Variants in LAMB3 observed in about 807,000 individuals in gnomAD.
LAMB3 encodes the protein laminin subunit beta 3, also known as laminin subunit beta-3.
LAMB3 carries 104 observed loss-of-function variants against 140.3 expected under a neutral mutation model. The observed-to-expected ratio is 0.74, with a 90% confidence interval of 0.63 to 0.87. The LOEUF is 0.87. Among genes scored for constraint, LAMB3 ranks in the 40% least tolerant of loss-of-function variants. LAMB3 has a pLI of 0.00. For synonymous variants in LAMB3, 592 were observed against 602.9 expected (o/e 0.98, Z 0.26); for missense variants, 1,531 against 1,575.2 (o/e 0.97, Z 0.47).
At chr1:209,638,935 G>A (rs1398505534) in intron 3 of LAMB3, among the ~76,000 whole-genome samples, 1 of 148,578 alleles carries the variant, frequency 6.7e-6, no homozygotes, top group Admixed American at 6.8e-5. Flanking sequence ...TTGAGTATAT[G>A]ATATTGCCTT....
In LAMB3 at chr1:209,625,859, C is replaced by A. The variant is rs1423811229; in HGVS notation, c.1765G>T (p.Asp589Tyr). 1 of 1,614,004 alleles carries A rather than the reference C, an allele frequency of 6.2e-7. No individual in the cohort carries two copies. The highest frequency in any genetic ancestry group is 8.5e-7 in the Non-Finnish European group (1 of 1,180,012). Residue 589 changes from aspartate (D) to tyrosine (Y), a missense_variant, in exon 14 of 23, where the codon GAT becomes TAT. Asp to Tyr is a radical substitution (Grantham distance 160). Transcript: ENST00000356082. The stretch of plus-strand genomic sequence containing the variant: ...AGGGCCTGCTCCCGGAGGTCCGCAT[C>A]ATAGGTCTGGAAGCAAGGGTGGCAG... ...VACHPCFQTY[D>Y]ADLREQALRF... is the part of the protein sequence containing the mutation.
intron 3 of LAMB3, among the ~76,000 whole-genome samples, chr1:209,640,239 C>T (rs375715704): frequency 3.9e-5 from 6 of 152,202 alleles, no homozygotes; most frequent in African/African-American, 1.4e-4. Flanking sequence ...ACAGCTGGCA[C>T]ATAAGCCCTT....
Position 209,630,736 on chromosome 1 carries a change from C to A in LAMB3, c.823-1G>T, listed in dbSNP as rs778372285. 1 of 1,613,866 alleles carries A rather than the reference C, an allele frequency of 6.2e-7. No homozygotes were observed. Among genetic ancestry groups the A allele is most frequent in the Non-Finnish European group, 8.5e-7 (1 of 1,179,984 alleles). On this transcript the variant is annotated splice_acceptor_variant, in intron 8 of 22. Coordinates refer to ENST00000356082, the MANE Select transcript of LAMB3 (RefSeq NM_000228.3). LOFTEE classifies it high-confidence loss of function. The stretch of plus-strand genomic sequence containing the variant: ...GCTGGCAGACACAGACATCGTGGAC[C>A]TGGGAGGGGGACCGTCAGCCATCAG...
chr1:209,633,082 G>T lies in LAMB3; in HGVS notation c.616C>A (p.Gln206Lys), dbSNP rs775405524. ...LVSGIPATQS[Q>K]KIQEVGEITN... ...TAACCACACTGACCTTGAATTTTTT[G>T]ACTTTGAGTTGCTGGAATCCCAGAC... Residue 206 changes from glutamine to lysine, a missense_variant, in exon 7 of 23, where the codon CAA (glutamine) becomes AAA (lysine). By Grantham distance (53) the Gln-to-Lys change is moderately conservative. Transcript: ENST00000356082. 9.3e-6 allele frequency: 15 copies of T among 1,610,804 alleles called. No homozygotes were observed. Among genetic ancestry groups the T allele is most frequent in the African/African-American group, 6.7e-5 (5 of 74,832 alleles).
Position 209,623,814 on chromosome 1 carries a change from G to T in LAMB3, c.2137+26C>A, listed in dbSNP as rs1168658651. 6.2e-7 allele frequency: 1 copy of T among 1,614,006 alleles called. No individual in the cohort carries two copies. Among genetic ancestry groups the T allele is most frequent in the East Asian group, 2.2e-5 (1 of 44,894 alleles). Reference sequence around the variant, plus strand: ...CCACCACGGCAGTGCCCATGCCCGGGGTTATCCGGGTGCCCCTCTCCTCAC... The same window carrying T: ...CCACCACGGCAGTGCCCATGCCCGGTGTTATCCGGGTGCCCCTCTCCTCAC... On this transcript the variant is annotated intron_variant, in intron 15 of 22. Transcript: ENST00000356082. The surrounding 1 kb of genome is among the most constrained non-coding windows in gnomAD (Gnocchi z 4.2).
At position 209,621,542 on chromosome 1, in the gene LAMB3, C is replaced by G. The variant is rs534541690; in HGVS notation, c.2701+994G>C. Among the ~76,000 whole-genome samples the G allele has an allele frequency of 3.9e-5, 6 of 152,236 alleles. No homozygotes were observed. In the South Asian group the frequency reaches 1.2e-3, roughly 32 times the overall value. ...CTGGGCTCCCAGCCAAGCAAATAAC[C>G]TGGCAGGAACCAGAAATCTAACAAT... On this transcript the variant is annotated intron_variant, in intron 18 of 22. Transcript: ENST00000356082.
chr1:209,627,083 G>A (rs1388900836), intron 12 of LAMB3, 105 bp from the exon 13 acceptor site: 3 of 873,586 alleles, frequency 3.4e-6, no homozygotes, highest in Non-Finnish European at 3.8e-6. Context: ...AGAATCCAGG[G>A]CTCATGGCCA....
At chr1:209,631,271 A>T (rs1027838439) in intron 8 of LAMB3, among the ~76,000 whole-genome samples, 2 of 152,228 alleles carry the variant, frequency 1.3e-5, no homozygotes, top group Admixed American at 6.5e-5. Flanking sequence ...GACCTGTATC[A>T]TGTTAGCTGC....
At chr1:209,622,203 T>C (rs1348165579) in intron 18 of LAMB3, among the ~76,000 whole-genome samples, 1 of 152,212 alleles carries the variant, frequency 6.6e-6, no homozygotes, top group Non-Finnish European at 1.5e-5. Context: ...CCAGGCTCTG[T>C]AGCCACGATG....
rs1380822100 is a variant in LAMB3 at position 209,618,591 on chromosome 1, C to T, written c.2770G>A (p.Asp924Asn). 7 of 1,614,166 alleles carry T rather than the reference C, an allele frequency of 4.3e-6. No homozygotes were observed. The highest frequency in any genetic ancestry group is 3.4e-6 in the Non-Finnish European group (4 of 1,180,058). Residue 924 changes from aspartate (D) to asparagine (N), a missense_variant, in exon 19 of 23, where the codon GAC becomes AAC. Asp to Asn is a conservative substitution (Grantham distance 23). Coordinates refer to ENST00000356082, the MANE Select transcript of LAMB3 (RefSeq NM_000228.3). ...ATCTTCTGCAGAACAGTAGCTGAGT[C>T]TGTGGGCAGCCACAGGGCCAGCACG... ...EAVLALWLPT[D>N]SATVLQKMNE...
intron 1 of LAMB3, chr1:209,651,383 C>A: frequency 4.4e-6 from 1 of 225,460 alleles, no homozygotes; most frequent in Non-Finnish European, 9.1e-6. Flanking sequence ...AGAGGGCTGG[C>A]TTTTCTCAGG....
In LAMB3 at chr1:209,632,963, C is replaced by T. The variant is rs1355984125; in HGVS notation, c.628+107G>A. 16 of 1,086,330 alleles carry T rather than the reference C, an allele frequency of 1.5e-5. No homozygotes were observed. The East Asian group carries it at 3.3e-4, about 22-fold the overall frequency. 67.3% of individuals were successfully genotyped at this position (1,086,330 alleles called of 1,614,324 possible). A position where few individuals can be genotyped will look rare whatever the true frequency, so the allele number is the denominator to read the frequency against. ...GCAGGGCAAGTATCAAATCCCCAACCACGTTGACAAAAACATGAAAGACCA... is the reference window on the plus strand; with the variant it reads ...GCAGGGCAAGTATCAAATCCCCAACTACGTTGACAAAAACATGAAAGACCA... On this transcript the variant is annotated intron_variant, in intron 7 of 22. Transcript: ENST00000356082.
At position 209,626,017 on chromosome 1, in the gene LAMB3, C is replaced by G; in HGVS notation, c.1607G>C (p.Cys536Ser). 6 of 1,612,872 alleles carry G rather than the reference C, an allele frequency of 3.7e-6. No individual in the cohort carries two copies. Among genetic ancestry groups the G allele is most frequent in the Non-Finnish European group, 5.1e-6 (6 of 1,179,316 alleles). The change falls in exon 14 of 23, where the codon TGT becomes TCT. Residue 536 changes from cysteine (C) to serine (S), a missense_variant. Transcript: ENST00000356082. ...DVATGCRACDCDFRGTEGPGC... is the reference protein window; with the variant it reads ...DVATGCRACDSDFRGTEGPGC... The stretch of plus-strand genomic sequence containing the variant: ...CGGGCCCTCTGTTCCCCGGAAATCA[C>G]AGTCACAGGCTAGGGCCAAGAAAAA...
rs552611500 is a variant in LAMB3 at position 209,623,697 on chromosome 1, G to C, written c.2166C>G (p.Tyr722Ter). The change falls in exon 16 of 23, where the codon TAC (tyrosine) becomes TAG (stop). Residue 722 changes from tyrosine to a stop codon, truncating the protein, a stop_gained. Coordinates refer to ENST00000356082, the MANE Select transcript of LAMB3 (RefSeq NM_000228.3). LOFTEE classifies it high-confidence loss of function. This position sits in a 1 kb window ranked among gnomAD's most constrained non-coding sequence, Gnocchi z 4.2. ...SGAFRMLSTA[Y>*]EQSAQAAQQV... ...GCTGAGCAGCCTGGGCTGACTGCTCGTAGGCTGTGCTCAGCATCCGGAAGG... is the reference window on the plus strand; with the variant it reads ...GCTGAGCAGCCTGGGCTGACTGCTCCTAGGCTGTGCTCAGCATCCGGAAGG... The C allele has an allele frequency of 1.2e-6, 2 of 1,614,072 alleles. No homozygotes were observed. Among genetic ancestry groups the C allele is most frequent in the East Asian group, 4.5e-5 (2 of 44,876 alleles).
At position 209,650,937 on chromosome 1, in the gene LAMB3, G is replaced by T. The variant is rs760672832; in HGVS notation, c.8C>A (p.Pro3Gln). 6.2e-7 allele frequency: 1 copy of T among 1,614,144 alleles called. No individual in the cohort carries two copies. The highest frequency in any genetic ancestry group is 2.2e-5 in the East Asian group (1 of 44,882). Residue 3 changes from proline (P) to glutamine (Q), a missense_variant, in exon 2 of 23, where the codon CCA becomes CAA. Physicochemically the swap from Pro to Gln is moderately conservative, Grantham distance 76 (BLOSUM62 -1). Transcript: ENST00000356082. MR[P>Q]FFLLCFALPG... ...CTTACCAAAACACAAGAGGAAGAAT[G>T]GTCTCATCTTCAGCCAATGGGGTGA...
intron 8 of LAMB3, 31 bp from the exon 9 acceptor site, chr1:209,630,766 A>T (rs745596402): frequency 1.6e-5 from 25 of 1,612,112 alleles, no homozygotes; most frequent in Non-Finnish European, 7.6e-6. Context: ...CATCAGGAGT[A>T]ATCAACAAAG....
At chr1:209,629,305 A>G (rs781502587) in intron 10 of LAMB3, among the ~76,000 whole-genome samples, 2 of 152,210 alleles carry the variant, frequency 1.3e-5, no homozygotes, top group Non-Finnish European at 2.9e-5. Flanking sequence ...AATCCTCGCC[A>G]TGGAGGAGTT....
chr1:209,635,547 C>A (rs764910948), intron 5 of LAMB3, among the ~76,000 whole-genome samples: 8 of 152,112 alleles, frequency 5.3e-5, no homozygotes, highest in Non-Finnish European at 8.8e-5. Context: ...GAATTACAGG[C>A]GCACACCACC....
intron 6 of LAMB3, 95 bp from the exon 7 acceptor site, chr1:209,633,228 T>G (rs954728513): frequency 1.1e-6 from 1 of 881,498 alleles, no homozygotes; most frequent in African/African-American, 1.7e-5. Context: ...TGCCTCACAC[T>G]TGAAGTCCTT....
Sources: gnomAD v4.1 joint callset for allele counts (sites outside exome capture counted in the v4.1 genomes callset) on GRCh38, gnomAD v4.1.1 for gene constraint, Gnocchi (gnomAD v3.1) non-coding constraint, MANE v1.5 for transcripts, NCBI Gene and HGNC (gene_info 2026-07-23, HGNC 2026-07-21) for gene names.